Variants in HIVEP3 observed in about 807,000 individuals in gnomAD.
HIVEP3 encodes transcription factor HIVEP3.
Under a neutral mutation model 152.8 loss-of-function variants are expected in HIVEP3, and 49 were observed. That is an observed-to-expected ratio of 0.32 (90% CI 0.26 to 0.41). The LOEUF is 0.41. HIVEP3 is among the 10% of genes least tolerant of loss of function. HIVEP3 has a pLI of 1.00. For missense variants in HIVEP3, 2,790 were observed against 3,103.3 expected (o/e 0.90, Z 2.40); for synonymous variants, 1,269 against 1,289.0 (o/e 0.98, Z 0.33).
At chr1:41,512,788 G>T in intron 8 of HIVEP3, 28 bp downstream of exon 8, 2 of 1,456,882 alleles carry the variant, frequency 1.4e-6, no homozygotes, top group Non-Finnish European at 1.8e-6. Flanking sequence ...GGGGAGAAGC[G>T]GCCCAGCCAC....
chr1:41,964,871 A>G (rs935479982), intron 1 of HIVEP3, among the ~76,000 whole-genome samples: 12 of 152,224 alleles, frequency 7.9e-5, no homozygotes, highest in Admixed American at 3.3e-4. Flanking sequence ...GGCAAGCGGG[A>G]TTCCCCCAAG....
chr1:41,823,593 G>A lies in HIVEP3; in HGVS notation c.-801+94820C>T, dbSNP rs145266829. Among the ~76,000 whole-genome samples, 85 of 152,304 alleles carry A rather than the reference G, an allele frequency of 5.6e-4. 2 individuals are homozygous for A. The East Asian group carries it at 0.012, about 22-fold the overall frequency. ...CCTGGCTGCTGGCTGTTTGCTCCTG[G>A]CTCTGCCCTCTACCTCATTCTACAC... On this transcript the variant is annotated intron_variant, in intron 1 of 8. Transcript: ENST00000372583.
At chr1:41,597,906 C>G (rs1376807458) in intron 3 of HIVEP3, among the ~76,000 whole-genome samples, 1 of 152,228 alleles carries the variant, frequency 6.6e-6, no homozygotes, top group African/African-American at 2.4e-5. Context: ...GGCCCAGATG[C>G]TTGTAGCTAA....
At position 41,697,027 on chromosome 1, in the gene HIVEP3, G is replaced by A. The variant is rs150767651; in HGVS notation, c.-721+3889C>T. Among the ~76,000 whole-genome samples, 132 of 152,260 alleles carry A rather than the reference G, an allele frequency of 8.7e-4. 3 individuals are homozygous for A. The East Asian group carries it at 0.025, about 29-fold the overall frequency. On this transcript the variant is annotated intron_variant, in intron 2 of 8. Transcript: ENST00000372583. ...ATTTATACGGCTGGCTGGTATTAAA[G>A]ATCAACATTCTCCAACCCCGCGTTG...
chr1:41,545,038 A>C (rs926778118), intron 5 of HIVEP3, among the ~76,000 whole-genome samples: 454 of 16,270 alleles, frequency 0.028, no homozygotes, highest in African/African-American at 0.04. Context: ...ACCACCACCA[A>C]TACCACTACC....
upstream of HIVEP3, among the ~76,000 whole-genome samples, chr1:41,922,385 A>G (rs1418602575): frequency 6.6e-6 from 1 of 152,238 alleles, no homozygotes; most frequent in African/African-American, 2.4e-5. Context: ...CTGCCAAACT[A>G]TAATTTCTCT....
chr1:41,558,228 C>T (rs946506430), intron 5 of HIVEP3, among the ~76,000 whole-genome samples: 1 of 152,186 alleles, frequency 6.6e-6, no homozygotes, highest in Non-Finnish European at 1.5e-5. Flanking sequence ...AACATTGGAG[C>T]ATGCCCTATG....
At chr1:41,839,098 C>T (rs926774629) in intron 1 of HIVEP3, among the ~76,000 whole-genome samples, 2 of 152,172 alleles carry the variant, frequency 1.3e-5, no homozygotes, top group African/African-American at 4.8e-5. Context: ...AGTTTCTCTA[C>T]CTCTCTGAAC....
At chr1:41,832,825 T>G (rs1643003008) in intron 1 of HIVEP3, among the ~76,000 whole-genome samples, 1 of 152,260 alleles carries the variant, frequency 6.6e-6, no homozygotes, top group Non-Finnish European at 1.5e-5. Flanking sequence ...CAGTAAATGC[T>G]GAAGCCCAGA....
chr1:41,787,553 T>TTA (rs1558269021), intron 1 of HIVEP3, among the ~76,000 whole-genome samples: 2 of 146,008 alleles, frequency 1.4e-5, no homozygotes, highest in African/African-American at 5.2e-5. Context: ...TTTTTTTTTT[T>TTA]AATGGGATTT....
intron 1 of HIVEP3, among the ~76,000 whole-genome samples, chr1:41,994,923 G>T (rs1557554164): frequency 1.3e-5 from 2 of 151,530 alleles, no homozygotes; most frequent in Non-Finnish European, 1.5e-5. Flanking sequence ...TCAATGACTG[G>T]GTTTAACAAG....
chr1:41,644,693 CTTTTTTTTTTT>C lies in HIVEP3; in HGVS notation c.-720-15757_-720-15747del, dbSNP rs60511656. Among the ~76,000 whole-genome samples the C allele has an allele frequency of 2.7e-4, 20 of 74,732 alleles. 1 individual carries two copies. The South Asian group carries it at 3.1e-3, about 12-fold the overall frequency. The allele number at this position is 74,732 out of a possible 152,430, so 49.0% of individuals were successfully genotyped here. A position where few individuals can be genotyped will look rare whatever the true frequency, so the allele number is the denominator to read the frequency against. On this transcript the variant is annotated intron_variant, in intron 2 of 8. Transcript: ENST00000372583. ...TTTAAAGCACACTTGCATATCTGTT[CTTTTTTTTTTT>C]TTTTTTTTTTTTTGGATGTTAACAA...
intron 1 of HIVEP3, among the ~76,000 whole-genome samples, chr1:41,943,176 G>A (rs1327722254): frequency 1.3e-5 from 2 of 152,074 alleles, no homozygotes; most frequent in Admixed American, 1.3e-4. Context: ...AAAGTGCTGG[G>A]ATTACAGGCA....
intron 1 of HIVEP3, among the ~76,000 whole-genome samples, chr1:41,915,546 T>A (rs1644858211): frequency 1.3e-5 from 2 of 152,172 alleles, no homozygotes; most frequent in Admixed American, 6.5e-5. Flanking sequence ...AAAGAGGGTA[T>A]AAAATTTCCT....
chr1:41,551,128 G>C (rs1643889195), intron 5 of HIVEP3, among the ~76,000 whole-genome samples: 1 of 152,242 alleles, frequency 6.6e-6, no homozygotes, highest in Non-Finnish European at 1.5e-5. Context: ...CATCTATTGA[G>C]ATAATCATGT....
chr1:41,987,838 G>A (rs1378353769), intron 1 of HIVEP3, among the ~76,000 whole-genome samples: 2 of 152,174 alleles, frequency 1.3e-5, no homozygotes, highest in Non-Finnish European at 2.9e-5. Context: ...TGGCGGAAGG[G>A]GAAGCAGGCA....
chr1:41,995,382 A>G (rs894795867), intron 1 of HIVEP3, among the ~76,000 whole-genome samples: 1 of 152,220 alleles, frequency 6.6e-6, no homozygotes, highest in Non-Finnish European at 1.5e-5. Flanking sequence ...AAAGAAAACA[A>G]TTGCCAATCT....
At chr1:41,979,766 A>G (rs942964941) in intron 1 of HIVEP3, among the ~76,000 whole-genome samples, 4 of 152,214 alleles carry the variant, frequency 2.6e-5, no homozygotes, top group Non-Finnish European at 5.9e-5. Context: ...TCCTTGCTGC[A>G]TGGTGCATTA....
At chr1:41,636,541 G>A (rs1645276359) in intron 2 of HIVEP3, among the ~76,000 whole-genome samples, 1 of 152,018 alleles carries the variant, frequency 6.6e-6, no homozygotes, top group South Asian at 2.1e-4. Flanking sequence ...TGACAGATTG[G>A]ATAAAAATAT....
Sources: gnomAD v4.1 joint callset for allele counts (sites outside exome capture counted in the v4.1 genomes callset) on GRCh38, gnomAD v4.1.1 for gene constraint, MANE v1.5 for transcripts, NCBI Gene and HGNC (gene_info 2026-07-23, HGNC 2026-07-21) for gene names.